Variants in RASAL2 observed in about 807,000 individuals in gnomAD.
The protein encoded by RASAL2 is ras GTPase-activating protein nGAP.
Under a neutral mutation model 128.9 loss-of-function variants are expected in RASAL2, and 58 were observed. The ratio of observed to expected loss-of-function variants is 0.45; its 90% CI spans 0.36 to 0.56. RASAL2 has a LOEUF of 0.56. Ranked by LOEUF, RASAL2 falls within the 20% of genes least tolerant of loss-of-function variation. RASAL2 has a pLI of 0.00. For synonymous variants in RASAL2, 561 were observed against 580.8 expected (o/e 0.97, Z 0.49); for missense variants, 1,360 against 1,601.6 (o/e 0.85, Z 2.57).
intron 3 of RASAL2, among the ~76,000 whole-genome samples, chr1:178,321,337 C>T (rs544962165): frequency 3.9e-5 from 6 of 152,244 alleles, no homozygotes; most frequent in East Asian, 1.9e-4. Flanking sequence ...CCACCCACCT[C>T]GGCCTCCCAA....
intron 3 of RASAL2, among the ~76,000 whole-genome samples, chr1:178,365,327 A>T (rs16852731): frequency 0.047 from 7,150 of 152,246 alleles, 559 homozygotes; most frequent in African/African-American, 0.16. Context: ...AAGGAAAGTT[A>T]TAGTTTGATA....
chr1:178,094,479 C>G lies in RASAL2; in HGVS notation c.-14C>G, dbSNP rs896408113. 2.7e-5 allele frequency: 42 copies of G among 1,538,342 alleles called. No individual in the cohort carries two copies. Among genetic ancestry groups the G allele is most frequent in the Non-Finnish European group, 3.7e-5 (42 of 1,142,264 alleles). Reference sequence around the variant, plus strand: ...CGAAGCCGCCGCCTCGTCCCCCTCCCGCCTCGGGGCACCATGGAGCTCTCT... The same window carrying G: ...CGAAGCCGCCGCCTCGTCCCCCTCCGGCCTCGGGGCACCATGGAGCTCTCT... On this transcript the variant is annotated 5_prime_UTR_variant, in exon 1 of 18. Transcript: ENST00000367649.
intron 1 of RASAL2, among the ~76,000 whole-genome samples, chr1:178,240,631 G>A (rs970431893): frequency 5.9e-5 from 9 of 151,468 alleles, no homozygotes; most frequent in African/African-American, 2.2e-4. Context: ...GAGGATATTG[G>A]GAATTTATCT....
chr1:178,405,365 C>A (rs774744216), intron 4 of RASAL2, among the ~76,000 whole-genome samples: 1 of 152,182 alleles, frequency 6.6e-6, no homozygotes, highest in Non-Finnish European at 1.5e-5. Flanking sequence ...CCCCCATCTC[C>A]CAAGATGTCC....
chr1:178,187,339 C>T (rs1662339547), intron 1 of RASAL2, among the ~76,000 whole-genome samples: 1 of 152,052 alleles, frequency 6.6e-6, no homozygotes, highest in South Asian at 2.1e-4. Context: ...GTAAATTTTT[C>T]ATGTTAGATA....
At chr1:178,237,580 A>G (rs1353492484) in intron 1 of RASAL2, among the ~76,000 whole-genome samples, 1 of 152,194 alleles carries the variant, frequency 6.6e-6, no homozygotes, top group Non-Finnish European at 1.5e-5. Context: ...ATGTGGTGGT[A>G]ACTTTAATAT....
In RASAL2 at chr1:178,283,545, T is replaced by C. The variant is rs751823505; in HGVS notation, c.203-19T>C. 1 of 1,601,458 alleles carries C rather than the reference T, an allele frequency of 6.2e-7. No homozygotes were observed. The highest frequency in any genetic ancestry group is 8.5e-7 in the Non-Finnish European group (1 of 1,174,342). ...AAGATAATGATTTGTCACTTTTGTT[T>C]TTCCCTTTTCTCATGCAGATGTGAA... On this transcript the variant is annotated intron_variant, in intron 1 of 17. Transcript: ENST00000367649.
intron 3 of RASAL2, chr1:178,341,420 G>C: frequency 7.0e-7 from 1 of 1,432,738 alleles, no homozygotes; most frequent in East Asian, 2.6e-5. Context: ...CGAGGATTGA[G>C]TTTAACTGGC....
At chr1:178,164,823 TTGTGTG>T (rs200932615) in intron 1 of RASAL2, among the ~76,000 whole-genome samples, 2,448 of 131,944 alleles carry the variant, frequency 0.019, 47 homozygotes, top group African/African-American at 0.054. Flanking sequence ...CATCAAACGT[TTGTGTG>T]TGTGTGTGTG....
At chr1:178,389,250 A>G (rs184411356) in intron 3 of RASAL2, 1 of 983,422 alleles carries the variant, frequency 1.0e-6, no homozygotes, top group East Asian at 1.1e-4. Flanking sequence ...TTATCTGAGA[A>G]GCTGGATTCC....
chr1:178,260,379 TATATATATATATATATATATATATA>T (rs1665635975), intron 1 of RASAL2, among the ~76,000 whole-genome samples: 1 of 8,174 alleles, frequency 1.2e-4, no homozygotes, highest in African/African-American at 4.3e-4. Context: ...TATATATATA[TATATATATATATATATATATATATA>T]TATATATATA....
At chr1:178,283,510 T>A in intron 1 of RASAL2, 54 bp from the exon 2 acceptor site, 1 of 1,576,300 alleles carries the variant, frequency 6.3e-7, no homozygotes, top group Non-Finnish European at 8.7e-7. Context: ...GAAATACTGG[T>A]TTACTAAGCA....
At chr1:178,239,760 T>C (rs1416394376) in intron 1 of RASAL2, among the ~76,000 whole-genome samples, 3 of 151,994 alleles carry the variant, frequency 2.0e-5, no homozygotes, top group African/African-American at 2.4e-5. Context: ...TGTGTGATGA[T>C]TCTAATATGT....
At chr1:178,113,511 AGTGT>A (rs61642582) in intron 1 of RASAL2, among the ~76,000 whole-genome samples, 34,695 of 121,136 alleles carry the variant, frequency 0.29, 4,943 homozygotes, top group South Asian at 0.37. Flanking sequence ...CATGCCTGCG[AGTGT>A]GTGTGTGTGT....
intron 1 of RASAL2, among the ~76,000 whole-genome samples, chr1:178,227,469 T>C (rs3902664): frequency 0.035 from 5,348 of 152,284 alleles, 282 homozygotes; most frequent in African/African-American, 0.12. Flanking sequence ...CTTTATACTT[T>C]GTAAAAATCC....
rs771621551 is a variant in RASAL2 at position 178,473,235 on chromosome 1, G to A, written c.3839G>A (p.Cys1280Tyr). ...AATGGTGAATTCAAAAACAGCAGCT[G>A]CTGACGGGCTTTGTCTGTGGAAGGA... is the stretch of plus-strand genomic sequence containing the variant. ...TENGEFKNSSC is the reference protein window; with the variant it reads ...TENGEFKNSSY The change falls in exon 18 of 18, where the codon TGC becomes TAC. Residue 1280 changes from cysteine (C) to tyrosine (Y), a missense_variant. By Grantham distance (194) the Cys-to-Tyr change is radical. Around this residue, in one of 3 missense-constraint regions of RASAL2, gnomAD observed 741 missense variants for 868.6 expected, o/e 0.85. Transcript: ENST00000367649. 4 of 1,614,150 alleles carry A rather than the reference G, an allele frequency of 2.5e-6. No individual in the cohort carries two copies. The South Asian group carries it at 4.4e-5, about 18-fold the overall frequency.
At chr1:178,346,776 A>G (rs896707359) in intron 3 of RASAL2, among the ~76,000 whole-genome samples, 14 of 152,322 alleles carry the variant, frequency 9.2e-5, no homozygotes, top group East Asian at 1.9e-4. Context: ...AACCAAAAAT[A>G]TAGTATAAAG....
Position 178,456,803 on chromosome 1 carries a change from A to G in RASAL2, c.2294A>G (p.Gln765Arg). The G allele has an allele frequency of 6.2e-7, 1 of 1,614,198 alleles. No homozygotes were observed. The highest frequency in any genetic ancestry group is 1.1e-5 in the South Asian group (1 of 91,082). Residue 765 changes from glutamine (Q) to arginine (R), a missense_variant, in exon 13 of 18, where the codon CAG becomes CGG. By Grantham distance (43) the Gln-to-Arg change is conservative (BLOSUM62 1). This residue lies in a region of RASAL2 where 741 missense variants were observed against 868.6 expected (regional missense o/e 0.85). Coordinates refer to ENST00000367649, the MANE Select transcript of RASAL2 (RefSeq NM_170692.4). ...KSLTNPTPIQ[Q>R]QLRRFTEHNS... ...TTGACTAATCCTACGCCAATACAAC[A>G]GCAACTGAGACGCTTCACTGAACAT...
chr1:178,468,797 CTA>C (rs1647984593), intron 17 of RASAL2, among the ~76,000 whole-genome samples: 1 of 152,074 alleles, frequency 6.6e-6, no homozygotes, highest in African/African-American at 2.4e-5. Flanking sequence ...ACTATTCACA[CTA>C]TAAAAAATCA....
Sources: allele counts gnomAD v4.1 joint callset (sites outside exome capture counted in the v4.1 genomes callset), GRCh38; gene constraint gnomAD v4.1.1; regional missense constraint gnomAD v4.1.1; transcripts MANE v1.5; gene names NCBI Gene and HGNC (gene_info 2026-07-23, HGNC 2026-07-21).